ANKS1B: variants seen among roughly 807,000 people sequenced by gnomAD.
ANKS1B encodes the protein ankyrin repeat and sterile alpha motif domain-containing protein 1B.
ANKS1B carries 36 observed loss-of-function variants against 148.3 expected under a neutral mutation model. The ratio of observed to expected loss-of-function variants is 0.24; its 90% CI spans 0.19 to 0.32. ANKS1B has a LOEUF of 0.32. Ranked by LOEUF, ANKS1B falls within the 10% of genes least tolerant of loss-of-function variation. The pLI is 1.00. For missense variants in ANKS1B, 1,157 were observed against 1,542.6 expected, an observed-to-expected ratio of 0.75 and a Z score of 4.19; for synonymous variants, 542 against 560.8, an observed-to-expected ratio of 0.97 and a Z score of 0.47.
At chr12:99,016,475 G>A (rs1042953871) in intron 17 of ANKS1B, among the ~76,000 whole-genome samples, 1 of 152,152 alleles carries the variant, frequency 6.6e-6, no homozygotes, top group Non-Finnish European at 1.5e-5. Flanking sequence ...AGCCAGCATG[G>A]CGAAACCCTG....
rs1048437054 is a variant in ANKS1B at position 99,637,027 on chromosome 12, C to T, written c.1272+18040G>A. ...TTCAGTCAACAGTGATGATGATGGC[C>T]GGGTGTGGTGGCTCACACCTGTAAT... On this transcript the variant is annotated intron_variant, in intron 9 of 26. Coordinates refer to ENST00000683438, the MANE Select transcript of ANKS1B (RefSeq NM_001352186.2). Among the ~76,000 whole-genome samples, 9 of 152,066 alleles carry T rather than the reference C, an allele frequency of 5.9e-5. No homozygotes were observed. The East Asian group carries it at 7.7e-4, about 13-fold the overall frequency.
chr12:99,979,014 C>A (rs2095660887), intron 1 of ANKS1B, among the ~76,000 whole-genome samples: 1 of 151,996 alleles, frequency 6.6e-6, no homozygotes, highest in Non-Finnish European at 1.5e-5. Context: ...ATTAAATATA[C>A]ATTTTAAATG....
chr12:98,985,602 A>G (rs944315941), intron 17 of ANKS1B, among the ~76,000 whole-genome samples: 5 of 151,802 alleles, frequency 3.3e-5, no homozygotes, highest in Non-Finnish European at 5.9e-5. Flanking sequence ...TTCAAATAAT[A>G]TAATAATATA....
At chr12:99,444,953 T>C (rs1272706253) in intron 10 of ANKS1B, among the ~76,000 whole-genome samples, 1 of 151,936 alleles carries the variant, frequency 6.6e-6, no homozygotes. Context: ...CTACCTACCA[T>C]ATAAAAATAT....
intron 25 of ANKS1B, among the ~76,000 whole-genome samples, chr12:98,761,027 T>A (rs556458264): frequency 6.6e-6 from 1 of 152,320 alleles, no homozygotes; most frequent in South Asian, 2.1e-4. Context: ...GTCTACCCCT[T>A]ACAACACCTT....
chr12:99,468,057 A>T (rs1456908987), intron 10 of ANKS1B, among the ~76,000 whole-genome samples: 1 of 152,240 alleles, frequency 6.6e-6, no homozygotes, highest in Non-Finnish European at 1.5e-5. Context: ...GGCTACAGTA[A>T]CCAAAACAGC....
At chr12:99,780,945 A>T (rs1246055359) in intron 5 of ANKS1B, among the ~76,000 whole-genome samples, 4 of 152,292 alleles carry the variant, frequency 2.6e-5, no homozygotes, top group South Asian at 2.1e-4. Flanking sequence ...GTGTGTAACT[A>T]AAACACCTGT....
chr12:99,365,219 C>T (rs1041116766), intron 12 of ANKS1B, among the ~76,000 whole-genome samples: 1 of 152,142 alleles, frequency 6.6e-6, no homozygotes, highest in African/African-American at 2.4e-5. Flanking sequence ...TGGGCAGACA[C>T]ACACCAGTGA....
intron 1 of ANKS1B, among the ~76,000 whole-genome samples, chr12:99,850,566 A>G (rs2087640173): frequency 6.6e-6 from 1 of 151,986 alleles, no homozygotes; most frequent in Non-Finnish European, 1.5e-5. Context: ...GGTTTCTACA[A>G]ATATATGATA....
At chr12:99,239,971 T>A (rs2088919227) in intron 14 of ANKS1B, among the ~76,000 whole-genome samples, 1 of 152,042 alleles carries the variant, frequency 6.6e-6, no homozygotes, top group Non-Finnish European at 1.5e-5. Flanking sequence ...ACATGCCAAA[T>A]TGTAAAGACC....
Position 99,246,558 on chromosome 12 carries a change from C to A in ANKS1B, c.2063G>T (p.Gly688Val). The A allele has an allele frequency of 6.2e-7, 1 of 1,613,840 alleles. No homozygotes were observed. The highest frequency in any genetic ancestry group is 8.5e-7 in the Non-Finnish European group (1 of 1,179,844). The change falls in exon 13 of 27, where the codon GGC becomes GTC. Residue 688 changes from glycine (G) to valine (V), a missense_variant. Around this residue, in one of 6 missense-constraint regions of ANKS1B, gnomAD observed 661 missense variants for 642.1 expected, o/e 1.03. Transcript: ENST00000683438. ...AGATCCACTCCTGGTTGATCTTGTGCCAACAATGGTATGGTTTTCGAGTTG... is the reference window on the plus strand; with the variant it reads ...AGATCCACTCCTGGTTGATCTTGTGACAACAATGGTATGGTTTTCGAGTTG... Reference protein sequence around the residue: ...SNQLENHTIVGTRSTRSGSRN... With the variant: ...SNQLENHTIVVTRSTRSGSRN...
chr12:99,640,921 A>G (rs2098296886), intron 9 of ANKS1B, among the ~76,000 whole-genome samples: 1 of 152,198 alleles, frequency 6.6e-6, no homozygotes, highest in Non-Finnish European at 1.5e-5. Context: ...TCTTTATTAG[A>G]AAAATTAGAT....
intron 21 of ANKS1B, 122 bp from the exon 22 acceptor site, chr12:98,799,127 T>A: frequency 1.8e-6 from 1 of 549,738 alleles, no homozygotes; most frequent in Non-Finnish European, 3.0e-6. Context: ...TGCATAACTT[T>A]AAAAAACTGA....
intron 17 of ANKS1B, among the ~76,000 whole-genome samples, chr12:98,948,285 A>G (rs1032918729): frequency 6.6e-6 from 1 of 152,154 alleles, no homozygotes. Context: ...GCTATTTTCT[A>G]TGATTATAAC....
chr12:99,083,017 T>C, intron 16 of ANKS1B, among the ~76,000 whole-genome samples: 1 of 152,138 alleles, frequency 6.6e-6, no homozygotes, highest in East Asian at 1.9e-4. Flanking sequence ...AATATGCTCA[T>C]AGGAATTACT....
intron 12 of ANKS1B, among the ~76,000 whole-genome samples, chr12:99,271,435 C>A (rs538082379): frequency 6.2e-4 from 94 of 151,972 alleles, no homozygotes; most frequent in African/African-American, 2.2e-3. Context: ...ACTATTTGTG[C>A]ATATCTATCC....
chr12:98,908,530 C>G (rs2099782505), intron 17 of ANKS1B, among the ~76,000 whole-genome samples: 1 of 152,116 alleles, frequency 6.6e-6, no homozygotes, highest in Non-Finnish European at 1.5e-5. Context: ...ATAATGCCTA[C>G]TTGGTAAGGA....
At chr12:98,866,918 G>A (rs2099627694) in intron 17 of ANKS1B, among the ~76,000 whole-genome samples, 1 of 152,168 alleles carries the variant, frequency 6.6e-6, no homozygotes, top group Non-Finnish European at 1.5e-5. Flanking sequence ...ATATGGGCAA[G>A]GATCATGCTT....
intron 9 of ANKS1B, among the ~76,000 whole-genome samples, chr12:99,543,434 TAG>T (rs530699311): frequency 9.9e-5 from 15 of 152,120 alleles, no homozygotes; most frequent in Non-Finnish European, 1.9e-4. Flanking sequence ...CTGTTAAATA[TAG>T]AGTTACCATA....
Sources: gnomAD v4.1 joint callset for allele counts (sites outside exome capture counted in the v4.1 genomes callset) on GRCh38, gnomAD v4.1.1 for gene constraint, gnomAD v4.1.1 regional missense constraint, MANE v1.5 for transcripts, NCBI Gene and HGNC (gene_info 2026-07-23, HGNC 2026-07-21) for gene names.